Variants in ARHGAP5 observed in about 807,000 individuals in gnomAD.
The protein encoded by ARHGAP5 is rho GTPase-activating protein 5.
In ARHGAP5, 23 loss-of-function variants were observed where a neutral mutation model predicts 116.6. That is an observed-to-expected ratio of 0.20 (90% CI 0.14 to 0.28). ARHGAP5 has a LOEUF of 0.28. Ranked by LOEUF, ARHGAP5 falls within the 10% of genes least tolerant of loss-of-function variation. The pLI, the probability that ARHGAP5 is intolerant of heterozygous loss-of-function variation, is 1.00. For synonymous variants in ARHGAP5, 574 were observed against 602.0 expected, an observed-to-expected ratio of 0.95 and a Z score of 0.68; for missense variants, 1,405 against 1,774.8, an observed-to-expected ratio of 0.79 and a Z score of 3.74.
At chr14:32,077,576 G>A (rs1470737686) in intron 1 of ARHGAP5, 141 bp downstream of exon 1, 1 of 555,904 alleles carries the variant, frequency 1.8e-6, no homozygotes. Flanking sequence ...CCGCCGAGGG[G>A]AGCCTGGCGC....
In ARHGAP5 at chr14:32,154,945, A is replaced by T. The variant is rs139279589; in HGVS notation, c.4506A>T (p.Ile1502=). The T allele has an allele frequency of 4.8e-4, 766 of 1,612,134 alleles. 3 individuals are homozygous for T. In the African/African-American group the frequency reaches 9.4e-3, roughly 20 times the overall value. Residue 1502 remains isoleucine, a synonymous_variant, in exon 7 of 7, where the codon ATA becomes ATT. Coordinates refer to ENST00000345122, the MANE Select transcript of ARHGAP5 (RefSeq NM_001030055.2). ...PQLQTDPLGI[I] ...TACAAACGGATCCTCTTGGTATTATATGAGTAGGAAGTGATTGCAAACAGG... is the reference window on the plus strand; with the variant it reads ...TACAAACGGATCCTCTTGGTATTATTTGAGTAGGAAGTGATTGCAAACAGG...
intron 2 of ARHGAP5, among the ~76,000 whole-genome samples, chr14:32,105,488 T>TAAAA (rs1555356499): frequency 1.3e-5 from 2 of 150,770 alleles, no homozygotes; most frequent in African/African-American, 4.9e-5. Flanking sequence ...TTTTTTTTTT[T>TAAAA]AAAAAAAAGA....
chr14:32,107,570 G>A (rs962443791), intron 2 of ARHGAP5, among the ~76,000 whole-genome samples: 2 of 152,148 alleles, frequency 1.3e-5, no homozygotes, highest in African/African-American at 4.8e-5. Context: ...ATTTTAAATA[G>A]TATTTTGGAA....
intron 1 of ARHGAP5, among the ~76,000 whole-genome samples, chr14:32,081,166 T>A (rs1222628406): frequency 1.3e-5 from 2 of 152,136 alleles, no homozygotes; most frequent in Non-Finnish European, 2.9e-5. Flanking sequence ...TTTAAGAATT[T>A]GAGGTATATT....
At chr14:32,081,683 A>G (rs557055079) in intron 1 of ARHGAP5, among the ~76,000 whole-genome samples, 1 of 152,146 alleles carries the variant, frequency 6.6e-6, no homozygotes, top group Non-Finnish European at 1.5e-5. Context: ...TAACGTTGGC[A>G]TAACTATTTG....
intron 2 of ARHGAP5, among the ~76,000 whole-genome samples, chr14:32,096,732 C>G (rs1358762983): frequency 6.6e-6 from 1 of 152,114 alleles, no homozygotes; most frequent in African/African-American, 2.4e-5. Context: ...AAAAACAGAT[C>G]ATTCCAATGT....
chr14:32,142,903 T>C (rs1881191646), intron 3 of ARHGAP5, among the ~76,000 whole-genome samples: 1 of 152,212 alleles, frequency 6.6e-6, no homozygotes, highest in African/African-American at 2.4e-5. Flanking sequence ...AATTCTCTTA[T>C]CCACCACTTT....
chr14:32,154,429 G>T (rs1180745250), intron 6 of ARHGAP5, 192 bp from the exon 7 acceptor site: 3 of 552,906 alleles, frequency 5.4e-6, no homozygotes, highest in Non-Finnish European at 6.4e-6. Context: ...GATTACAGGC[G>T]TGAGCCACTG....
At chr14:32,080,389 AACAAACCCCCTTG>A (rs1420460997) in intron 1 of ARHGAP5, among the ~76,000 whole-genome samples, 1 of 151,632 alleles carries the variant, frequency 6.6e-6, no homozygotes, top group Non-Finnish European at 1.5e-5. Context: ...CCTGGGTAAC[AACAAACCCCCTTG>A]ACATGAGTTT....
chr14:32,097,011 A>G (rs1383526490), intron 2 of ARHGAP5, among the ~76,000 whole-genome samples: 1 of 152,198 alleles, frequency 6.6e-6, no homozygotes, highest in Admixed American at 6.5e-5. Context: ...TTGATGGCAA[A>G]ACCTGACTTG....
At chr14:32,135,722 C>T (rs531661325) in intron 3 of ARHGAP5, among the ~76,000 whole-genome samples, 2 of 152,306 alleles carry the variant, frequency 1.3e-5, no homozygotes, top group Admixed American at 6.5e-5. Flanking sequence ...CACTCCTGGC[C>T]GATTTTTAGG....
intron 1 of ARHGAP5, among the ~76,000 whole-genome samples, chr14:32,085,213 A>G (rs142935796): frequency 8.2e-4 from 125 of 152,246 alleles, no homozygotes; most frequent in African/African-American, 2.6e-3. Context: ...TGGGAGGCTG[A>G]TGGAAGAGGA....
chr14:32,129,195 C>T (rs996039747), intron 3 of ARHGAP5, among the ~76,000 whole-genome samples: 2 of 152,110 alleles, frequency 1.3e-5, no homozygotes, highest in African/African-American at 4.8e-5. Context: ...AGGTGTTTCT[C>T]TTATAAGTAA....
intron 3 of ARHGAP5, among the ~76,000 whole-genome samples, chr14:32,119,259 A>G (rs969390333): frequency 7.9e-5 from 12 of 152,108 alleles, no homozygotes; most frequent in African/African-American, 2.7e-4. Context: ...GAACTGTAGC[A>G]TAACCTTCTT....
At chr14:32,080,890 T>C (rs549339609) in intron 1 of ARHGAP5, among the ~76,000 whole-genome samples, 1 of 152,312 alleles carries the variant, frequency 6.6e-6, no homozygotes, top group South Asian at 2.1e-4. Flanking sequence ...CATAGAATTA[T>C]TACTTGGGAA....
At chr14:32,116,379 A>G (rs1210005701) in intron 2 of ARHGAP5, among the ~76,000 whole-genome samples, 1 of 151,944 alleles carries the variant, frequency 6.6e-6, no homozygotes, top group Non-Finnish European at 1.5e-5. Context: ...TCACGAGGTC[A>G]GGAGATCGAG....
rs1180236902 is a variant in ARHGAP5 at position 32,158,670 on chromosome 14, G to A, written c.*3722G>A. The A allele has an allele frequency of 6.6e-6, 1 of 151,768 alleles. No homozygotes were observed. Among genetic ancestry groups the A allele is most frequent in the Non-Finnish European group, 1.5e-5 (1 of 67,764 alleles). 9.4% of individuals were successfully genotyped at this position (151,768 alleles called of 1,614,324 possible). A position where few individuals can be genotyped will look rare whatever the true frequency, so the allele number is the denominator to read the frequency against. On this transcript the variant is annotated 3_prime_UTR_variant, in exon 7 of 7. Transcript: ENST00000345122. Reference sequence around the variant, plus strand: ...GTTTCAATACATATGGGACATGGTTGATTTTTTTACTGTATTAGAACTCTT... The same window carrying A: ...GTTTCAATACATATGGGACATGGTTAATTTTTTTACTGTATTAGAACTCTT...
rs1175532070 is a variant in ARHGAP5, at chr14:32,155,560, A to G, written c.*612A>G. Reference sequence around the variant, plus strand: ...CCGTGGATGATTTGATGAGGGATAAATGAACCTATTTCTTTTACACACATA... The same window carrying G: ...CCGTGGATGATTTGATGAGGGATAAGTGAACCTATTTCTTTTACACACATA... On this transcript the variant is annotated 3_prime_UTR_variant, in exon 7 of 7. Transcript: ENST00000345122. 8 of 152,788 alleles carry G rather than the reference A, an allele frequency of 5.2e-5. No individual in the cohort carries two copies. The highest frequency in any genetic ancestry group is 1.0e-4 in the Non-Finnish European group (7 of 68,148). 9.5% of individuals were successfully genotyped at this position (152,788 alleles called of 1,614,324 possible). A position where few individuals can be genotyped will look rare whatever the true frequency, so the allele number is the denominator to read the frequency against.
At chr14:32,086,952 C>T (rs921413140) in intron 1 of ARHGAP5, among the ~76,000 whole-genome samples, 1 of 152,076 alleles carries the variant, frequency 6.6e-6, no homozygotes, top group Non-Finnish European at 1.5e-5. Context: ...TTCCTTCTAA[C>T]CTTATAATTT....
Sources: allele counts gnomAD v4.1 joint callset (sites outside exome capture counted in the v4.1 genomes callset), GRCh38; gene constraint gnomAD v4.1.1; transcripts MANE v1.5; gene names NCBI Gene and HGNC (gene_info 2026-07-23, HGNC 2026-07-21).